The following NFATC1 variants were observed in gnomAD, a reference collection of about 807,000 sequenced individuals.
NFATC1 encodes nuclear factor of activated T cells 1.
A neutral mutation model predicts 76.0 loss-of-function variants in NFATC1; 22 were observed. That is an observed-to-expected ratio of 0.29 (90% CI 0.21 to 0.41). NFATC1 has a LOEUF of 0.41. Among genes scored for constraint, NFATC1 ranks in the 10% least tolerant of loss-of-function variants. The pLI, the probability that NFATC1 is intolerant of heterozygous loss-of-function variation, is 1.00. For synonymous variants in NFATC1, 704 were observed against 613.1 expected (o/e 1.15, Z -2.19); for missense variants, 1,357 against 1,337.7 (o/e 1.01, Z -0.23).
chr18:79,490,129 C>T (rs1188384411), intron 9 of NFATC1, among the ~76,000 whole-genome samples: 3 of 152,224 alleles, frequency 2.0e-5, no homozygotes, highest in South Asian at 4.1e-4. Flanking sequence ...CAGCCCCTCT[C>T]GGTCCTTCAC....
At position 79,523,043 on chromosome 18, in the gene NFATC1, C is replaced by T. The variant is rs188346741; in HGVS notation, c.2783-4485C>T. On this transcript the variant is annotated intron_variant, in intron 9 of 9. Coordinates refer to ENST00000427363, the MANE Select transcript of NFATC1 (RefSeq NM_001278669.2). ...GTCCCTGGCAGCCATTCCCACTCTC[C>T]GAGCCCTCCGTGGTCCCTGTGAACA... Among the ~76,000 whole-genome samples, 270 of 152,236 alleles carry T rather than the reference C, an allele frequency of 1.8e-3. 1 individual carries two copies. Among genetic ancestry groups the T allele is most frequent in the Non-Finnish European group, 2.9e-3 (199 of 68,004 alleles).
At chr18:79,414,187 G>A (rs2148205661) in intron 2 of NFATC1, among the ~76,000 whole-genome samples, 1 of 152,276 alleles carries the variant, frequency 6.6e-6, no homozygotes, top group Middle Eastern at 3.4e-3. Context: ...CCTTCCCCAG[G>A]AATGCCTCTC....
intron 1 of NFATC1, 101 bp downstream of exon 1, chr18:79,396,452 C>A: frequency 1.4e-6 from 1 of 724,818 alleles, no homozygotes; most frequent in Non-Finnish European, 1.8e-6. Flanking sequence ...GGGGTCCGGG[C>A]CAGAGAACGA....
At chr18:79,464,181 C>T (rs1267959527) in intron 7 of NFATC1, among the ~76,000 whole-genome samples, 1 of 152,180 alleles carries the variant, frequency 6.6e-6, no homozygotes, top group Non-Finnish European at 1.5e-5. Context: ...CCTCCGCCTC[C>T]CAGGTTCAAG....
At chr18:79,479,045 C>T (rs1216307320) in intron 8 of NFATC1, among the ~76,000 whole-genome samples, 1 of 152,252 alleles carries the variant, frequency 6.6e-6, no homozygotes, top group Non-Finnish European at 1.5e-5. Context: ...CCATGGACAC[C>T]GCAGCCAGCC....
At chr18:79,425,213 C>CTG (rs1312471631) in intron 2 of NFATC1, among the ~76,000 whole-genome samples, 19 of 140,154 alleles carry the variant, frequency 1.4e-4, no homozygotes, top group African/African-American at 2.0e-4. Context: ...CTCCCTGTCT[C>CTG]TGTCTCTCTG....
At chr18:79,521,259 G>C in intron 9 of NFATC1, among the ~76,000 whole-genome samples, 1 of 87,134 alleles carries the variant, frequency 1.1e-5, no homozygotes, top group Non-Finnish European at 2.2e-5. Flanking sequence ...GTCCATGTGT[G>C]TGTGGGGGCA....
intron 8 of NFATC1, among the ~76,000 whole-genome samples, chr18:79,478,691 G>C (rs1156656391): frequency 6.6e-6 from 1 of 152,190 alleles, no homozygotes; most frequent in Admixed American, 6.5e-5. Context: ...CCAGCTCACT[G>C]CCTGCGTCTG....
chr18:79,511,419 G>A (rs2090250458), intron 9 of NFATC1, among the ~76,000 whole-genome samples: 1 of 152,278 alleles, frequency 6.6e-6, no homozygotes, highest in East Asian at 1.9e-4. Flanking sequence ...GCAAACAGCA[G>A]GTTCTGCCGG....
At chr18:79,432,741 TG>T (rs2086643612) in intron 2 of NFATC1, among the ~76,000 whole-genome samples, 1 of 152,198 alleles carries the variant, frequency 6.6e-6, no homozygotes, top group African/African-American at 2.4e-5. Context: ...GTGCACCGTG[TG>T]GCCCCCAGGA....
At position 79,483,690 on chromosome 18, in the gene NFATC1, C is replaced by T. The variant is rs1490058446; in HGVS notation, c.2093-2558C>T. ...GTGACCTTGTCCTGGGGTGTCACTC[C>T]AGCGTGACCTTGTTCCTGGGGTGTA... is the stretch of plus-strand genomic sequence containing the variant. On this transcript the variant is annotated intron_variant, in intron 8 of 9. Transcript: ENST00000427363. 1.2e-4 allele frequency among the ~76,000 whole-genome samples: 18 copies of T among 148,994 alleles called. 1 individual carries two copies. The highest frequency in any genetic ancestry group is 3.7e-4 in the African/African-American group (15 of 40,134).
chr18:79,432,092 C>T lies in NFATC1; in HGVS notation c.1227-1487C>T, dbSNP rs183349347. On this transcript the variant is annotated intron_variant, in intron 2 of 9. Coordinates refer to ENST00000427363, the MANE Select transcript of NFATC1 (RefSeq NM_001278669.2). ...TCGGGAGGCAGTTTCCTTTAACTTG[C>T]AGATGCCCCTGCTCTGCGACTGCAT... is the stretch of plus-strand genomic sequence containing the variant. 1.7e-3 allele frequency among the ~76,000 whole-genome samples: 259 copies of T among 151,884 alleles called. 4 individuals carry two copies. Among genetic ancestry groups the T allele is most frequent in the Admixed American group, 8.0e-3 (122 of 15,286 alleles).
intron 9 of NFATC1, chr18:79,496,253 C>G (rs1005066924): frequency 1.3e-5 from 2 of 152,560 alleles, no homozygotes; most frequent in African/African-American, 4.8e-5. Context: ...AAAGAGCTTC[C>G]TTATTTGAGA....
At chr18:79,416,661 T>G (rs1254014792) in intron 2 of NFATC1, among the ~76,000 whole-genome samples, 1 of 152,230 alleles carries the variant, frequency 6.6e-6, no homozygotes, top group African/African-American at 2.4e-5. Context: ...GCCCCATGGT[T>G]TGTAAAACAC....
chr18:79,407,887 C>T (rs552913916), intron 1 of NFATC1, among the ~76,000 whole-genome samples: 4 of 152,326 alleles, frequency 2.6e-5, no homozygotes, highest in African/African-American at 9.6e-5. Context: ...TCAGCCTCAG[C>T]GGAGGGGCCC....
At position 79,526,117 on chromosome 18, in the gene NFATC1, G is replaced by A. The variant is rs75054216; in HGVS notation, c.2783-1411G>A. 5.5e-3 allele frequency among the ~76,000 whole-genome samples: 836 copies of A among 152,124 alleles called. 6 individuals are homozygous for A. Among genetic ancestry groups the A allele is most frequent in the South Asian group, 0.017 (82 of 4,814 alleles). On this transcript the variant is annotated intron_variant, in intron 9 of 9. Transcript: ENST00000427363. ...CGTTGTGCCGAGGCCCCGCAGCGCC[G>A]CCCGAGTGTCACGGAAAGTGCCTCT...
At chr18:79,467,035 C>G (rs891333758) in intron 7 of NFATC1, among the ~76,000 whole-genome samples, 1 of 152,264 alleles carries the variant, frequency 6.6e-6, no homozygotes, top group Non-Finnish European at 1.5e-5. Context: ...GGTCCCAGTT[C>G]TGTTTACAGC....
At chr18:79,461,608 G>A (rs1015719738) in intron 7 of NFATC1, among the ~76,000 whole-genome samples, 2 of 152,206 alleles carry the variant, frequency 1.3e-5, no homozygotes, top group Non-Finnish European at 1.5e-5. Context: ...CCTGGCGGCC[G>A]GGGACGGTGC....
chr18:79,421,366 C>G (rs1405781444), intron 2 of NFATC1: 1 of 152,294 alleles, frequency 6.6e-6, no homozygotes, highest in African/African-American at 2.4e-5. Context: ...CACGGGCAGA[C>G]AGGTCGAGTG....
Sources: gnomAD v4.1 joint callset for allele counts (sites outside exome capture counted in the v4.1 genomes callset) on GRCh38, gnomAD v4.1.1 for gene constraint, MANE v1.5 for transcripts, NCBI Gene and HGNC (gene_info 2026-07-23, HGNC 2026-07-21) for gene names.